EXT2: variants seen among roughly 807,000 people sequenced by gnomAD.
The protein encoded by EXT2 is exostosin glycosyltransferase 2, also known as exostosin-2.
A neutral mutation model predicts 81.6 loss-of-function variants in EXT2; 53 were observed. That is an observed-to-expected ratio of 0.65 (90% CI 0.52 to 0.82). The LOEUF (loss-of-function observed/expected upper bound fraction) is 0.82. EXT2 is among the 40% of genes least tolerant of loss of function. The pLI is 0.00. For missense variants in EXT2, 774 were observed against 910.2 expected (o/e 0.85, Z 1.93); for synonymous variants, 320 against 340.0 (o/e 0.94, Z 0.65).
chr11:44,116,609 T>G (rs781325813), intron 4 of EXT2: 1 of 152,238 alleles, frequency 6.6e-6, no homozygotes, highest in African/African-American at 2.4e-5. Context: ...GGCTGCACCA[T>G]TTCACATTCC....
At chr11:44,140,460 G>A (rs1190424865) in intron 7 of EXT2, among the ~76,000 whole-genome samples, 2 of 152,128 alleles carry the variant, frequency 1.3e-5, no homozygotes, top group African/African-American at 4.8e-5. Context: ...TAGACTAGAG[G>A]CTGCTCCTGC....
intron 9 of EXT2, among the ~76,000 whole-genome samples, chr11:44,200,945 A>C (rs1955514818): frequency 2.0e-5 from 3 of 152,168 alleles, no homozygotes; most frequent in Admixed American, 2.0e-4. Flanking sequence ...GAAATCCTTA[A>C]CACAAGGAGT....
intron 10 of EXT2, among the ~76,000 whole-genome samples, chr11:44,229,701 G>A (rs180785814): frequency 5.3e-5 from 8 of 152,314 alleles, no homozygotes; most frequent in Admixed American, 2.0e-4. Context: ...TGGATATCAC[G>A]TTATTATTCA....
In EXT2 at chr11:44,246,375, C is replaced by A. The variant is rs1956093916; in HGVS notation, c.*2088C>A. On this transcript the variant is annotated 3_prime_UTR_variant, in exon 14 of 14. Transcript: ENST00000533608. ...AATGCAGCTTCTCTCCCAAAGGGTA[C>A]ATTTTTAAATTTTTATTTTTTAAAA... 6.6e-6 allele frequency among the ~76,000 whole-genome samples: 1 copy of A among 152,186 alleles called. No homozygotes were observed. The highest frequency in any genetic ancestry group is 1.5e-5 in the Non-Finnish European group (1 of 68,034).
intron 11 of EXT2, among the ~76,000 whole-genome samples, chr11:44,232,715 T>A (rs1417808345): frequency 6.6e-6 from 1 of 152,236 alleles, no homozygotes; most frequent in African/African-American, 2.4e-5. Flanking sequence ...CTTGTAATCC[T>A]GTCACTTCGA....
At position 44,119,124 on chromosome 11, in the gene EXT2, TTATATATATATATATATATATATATATA is replaced by T. The variant is rs200249806; in HGVS notation, c.743+4842_743+4869del. Reference sequence around the variant, plus strand: ...TGTCCCCCAGGGGACATTTGGCTATTTATATATATATATATATATATATATATATATATATATATATATATACACATAC... The same window carrying T: ...TGTCCCCCAGGGGACATTTGGCTATTTATATATATATATATATACACATAC... On this transcript the variant is annotated intron_variant, in intron 4 of 13. Transcript: ENST00000533608. Among the ~76,000 whole-genome samples the T allele has an allele frequency of 1.6e-4, 4 of 25,640 alleles. No individual in the cohort carries two copies. In the South Asian group the frequency reaches 8.4e-3, roughly 54 times the overall value. The allele number at this position is 25,640 out of a possible 152,430, so 16.8% of individuals were successfully genotyped here. A position where few individuals can be genotyped will look rare whatever the true frequency, so the allele number is the denominator to read the frequency against.
At chr11:44,176,138 A>G (rs1955154815) in intron 8 of EXT2, among the ~76,000 whole-genome samples, 2 of 152,226 alleles carry the variant, frequency 1.3e-5, no homozygotes, top group Non-Finnish European at 2.9e-5. Flanking sequence ...GTTCCTCTGC[A>G]GGAGAATTCA....
chr11:44,189,037 C>G (rs1317167986), intron 8 of EXT2, among the ~76,000 whole-genome samples: 5 of 152,152 alleles, frequency 3.3e-5, no homozygotes, highest in African/African-American at 1.2e-4. Flanking sequence ...ATCTTAAAAG[C>G]AGCTGTAGGA....
In EXT2 at chr11:44,200,294, C is replaced by G. The variant is rs369615163; in HGVS notation, c.1495+2276C>G. On this transcript the variant is annotated intron_variant, in intron 9 of 13. Coordinates refer to ENST00000533608, the MANE Select transcript of EXT2 (RefSeq NM_207122.2). ...ATTTGTGTAGGCAGAAATCTACCCCCCTTCCCACTTTTTTTTTTTTTTCAT... is the reference window on the plus strand; with the variant it reads ...ATTTGTGTAGGCAGAAATCTACCCCGCTTCCCACTTTTTTTTTTTTTTCAT... Among the ~76,000 whole-genome samples, 8 of 151,640 alleles carry G rather than the reference C, an allele frequency of 5.3e-5. No homozygotes were observed. In the South Asian group the frequency reaches 8.3e-4, roughly 16 times the overall value.
intron 13 of EXT2, among the ~76,000 whole-genome samples, chr11:44,237,157 T>C (rs2135269300): frequency 6.6e-6 from 1 of 152,268 alleles, no homozygotes; most frequent in Non-Finnish European, 1.5e-5. Context: ...GATAAGGATA[T>C]AGTAGCCTTT....
intron 10 of EXT2, among the ~76,000 whole-genome samples, chr11:44,231,428 G>A (rs1955897522): frequency 2.0e-5 from 3 of 152,196 alleles, no homozygotes; most frequent in Admixed American, 1.3e-4. Flanking sequence ...TCCAGGTGGA[G>A]ATATTAACTA....
intron 10 of EXT2, among the ~76,000 whole-genome samples, chr11:44,210,883 C>A (rs1955639567): frequency 6.6e-6 from 1 of 152,170 alleles, no homozygotes; most frequent in African/African-American, 2.4e-5. Flanking sequence ...CATGTAAATT[C>A]TTCCCAAATT....
At chr11:44,230,911 G>A (rs1408553780) in intron 10 of EXT2, among the ~76,000 whole-genome samples, 2 of 152,174 alleles carry the variant, frequency 1.3e-5, no homozygotes, top group African/African-American at 4.8e-5. Context: ...TCTGGACTCA[G>A]CAACACTTGT....
chr11:44,211,481 G>A (rs140069290), intron 10 of EXT2, among the ~76,000 whole-genome samples: 1,799 of 152,228 alleles, frequency 0.012, 33 homozygotes, highest in African/African-American at 0.039. Flanking sequence ...TTGTGACAAC[G>A]TGGATGAATC....
intron 7 of EXT2, among the ~76,000 whole-genome samples, chr11:44,151,784 C>T (rs1954795720): frequency 6.6e-6 from 1 of 152,154 alleles, no homozygotes. Context: ...TTTGTAGGAA[C>T]CTACCAAACT....
At chr11:44,171,271 G>A (rs145149323) in intron 7 of EXT2, among the ~76,000 whole-genome samples, 23 of 152,304 alleles carry the variant, frequency 1.5e-4, no homozygotes, top group African/African-American at 5.3e-4. Context: ...AATTCATTGA[G>A]CTGTACACAA....
At chr11:44,119,817 T>C (rs1478016345) in intron 4 of EXT2, among the ~76,000 whole-genome samples, 1 of 152,228 alleles carries the variant, frequency 6.6e-6, no homozygotes, top group Non-Finnish European at 1.5e-5. Context: ...TGGGTGCAAA[T>C]GTCAGCAGCG....
intron 4 of EXT2, among the ~76,000 whole-genome samples, chr11:44,118,715 C>A (rs369686381): frequency 6.6e-6 from 1 of 152,014 alleles, no homozygotes; most frequent in African/African-American, 2.4e-5. Context: ...TGCCCTATTT[C>A]GAGGTTAGAT....
chr11:44,173,632 A>G (rs1470473883), intron 8 of EXT2, among the ~76,000 whole-genome samples: 1 of 140,974 alleles, frequency 7.1e-6, no homozygotes. Flanking sequence ...GCAGTAGCGC[A>G]ATGCCGGCTC....
Sources: allele counts gnomAD v4.1 joint callset (sites outside exome capture counted in the v4.1 genomes callset), GRCh38; gene constraint gnomAD v4.1.1; transcripts MANE v1.5; gene names NCBI Gene and HGNC (gene_info 2026-07-23, HGNC 2026-07-21).